The following RIT2 variants were observed in gnomAD, a reference collection of about 807,000 sequenced individuals.
RIT2 encodes GTP-binding protein Rit2.
Under a neutral mutation model 23.7 loss-of-function variants are expected in RIT2, and 24 were observed. The ratio of observed to expected loss-of-function variants is 1.01; its 90% CI spans 0.73 to 1.43. RIT2 has a LOEUF of 1.43. Ranked by LOEUF, RIT2 falls within the 40% of genes most tolerant of loss-of-function variation. The pLI is 0.00. For synonymous variants in RIT2, 107 were observed against 91.1 expected (o/e 1.17, Z -0.99); for missense variants, 236 against 266.9 (o/e 0.88, Z 0.81).
chr18:42,819,119 G>A (rs1321450895), intron 4 of RIT2, among the ~76,000 whole-genome samples: 1 of 151,970 alleles, frequency 6.6e-6, no homozygotes, highest in Non-Finnish European at 1.5e-5. Flanking sequence ...GAGCAAAAGC[G>A]AGATACTCTT....
At chr18:42,860,656 G>C (rs1391815507) in intron 4 of RIT2, among the ~76,000 whole-genome samples, 1 of 152,120 alleles carries the variant, frequency 6.6e-6, no homozygotes, top group East Asian at 1.9e-4. Flanking sequence ...CCTATTTTAA[G>C]AAACATAAAA....
At chr18:42,850,434 T>G (rs899898413) in intron 4 of RIT2, among the ~76,000 whole-genome samples, 3 of 152,188 alleles carry the variant, frequency 2.0e-5, no homozygotes. Flanking sequence ...ATAAATCTGG[T>G]GGCAGACCAC....
chr18:43,002,277 C>T (rs144436312), intron 2 of RIT2, among the ~76,000 whole-genome samples: 1 of 151,878 alleles, frequency 6.6e-6, no homozygotes, highest in Non-Finnish European at 1.5e-5. Context: ...AATTCTTCCA[C>T]TTTCTTCTGC....
At chr18:42,984,996 A>C (rs1371890422) in intron 2 of RIT2, among the ~76,000 whole-genome samples, 1 of 152,106 alleles carries the variant, frequency 6.6e-6, no homozygotes, top group East Asian at 1.9e-4. Context: ...GCCTCTATTC[A>C]TGAAAAATAT....
chr18:43,076,881 ATCACGAGG>A (rs1442550187), intron 1 of RIT2, among the ~76,000 whole-genome samples: 1 of 151,938 alleles, frequency 6.6e-6, no homozygotes, highest in Non-Finnish European at 1.5e-5. Context: ...AGGCGGGCGG[ATCACGAGG>A]TCAGGAGATC....
intron 4 of RIT2, among the ~76,000 whole-genome samples, chr18:42,807,114 T>C (rs1300854628): frequency 1.3e-5 from 2 of 152,244 alleles, no homozygotes; most frequent in South Asian, 2.1e-4. Flanking sequence ...TTTCAAATTA[T>C]GTATCTTTGA....
intron 1 of RIT2, among the ~76,000 whole-genome samples, chr18:43,084,083 C>T (rs1913222913): frequency 6.6e-6 from 1 of 152,098 alleles, no homozygotes; most frequent in South Asian, 2.1e-4. Context: ...AGAATATGAA[C>T]AGACATTTCT....
At chr18:43,010,872 A>G (rs998892032) in intron 2 of RIT2, among the ~76,000 whole-genome samples, 2 of 151,794 alleles carry the variant, frequency 1.3e-5, no homozygotes, top group African/African-American at 4.8e-5. Flanking sequence ...ATGGGATAAC[A>G]ATTATTCTGT....
intron 1 of RIT2, among the ~76,000 whole-genome samples, chr18:43,108,007 C>A (rs7506332): frequency 6.2e-4 from 84 of 136,252 alleles, no homozygotes; most frequent in Middle Eastern, 3.8e-3. Flanking sequence ...ACTAAAAATA[C>A]AAAAAAAAAA....
At chr18:43,009,763 G>T (rs577929842) in intron 2 of RIT2, among the ~76,000 whole-genome samples, 285 of 151,752 alleles carry the variant, frequency 1.9e-3, no homozygotes, top group Non-Finnish European at 3.3e-3. Flanking sequence ...CACTTCCCAT[G>T]TCCCCGTCTG....
chr18:43,071,082 G>A (rs1309476016), intron 1 of RIT2, among the ~76,000 whole-genome samples: 5 of 152,056 alleles, frequency 3.3e-5, no homozygotes, highest in African/African-American at 1.2e-4. Flanking sequence ...ATAATTTTCT[G>A]GGTTTCTCCA....
chr18:42,839,373 A>G (rs947402740), intron 4 of RIT2, among the ~76,000 whole-genome samples: 1 of 152,248 alleles, frequency 6.6e-6, no homozygotes, highest in African/African-American at 2.4e-5. Context: ...GAGGTATGGG[A>G]ATTTCTTGAG....
chr18:42,848,184 G>A (rs1906958774), intron 4 of RIT2, among the ~76,000 whole-genome samples: 1 of 152,072 alleles, frequency 6.6e-6, no homozygotes, highest in Non-Finnish European at 1.5e-5. Context: ...GAACAATGCT[G>A]AAAGGCAATT....
chr18:42,850,158 G>C (rs1271932285), intron 4 of RIT2, among the ~76,000 whole-genome samples: 1 of 150,920 alleles, frequency 6.6e-6, no homozygotes, highest in Non-Finnish European at 1.5e-5. Context: ...ATCCATTCTG[G>C]GGCCACACAG....
At chr18:42,847,887 C>G (rs1906951691) in intron 4 of RIT2, among the ~76,000 whole-genome samples, 1 of 150,862 alleles carries the variant, frequency 6.6e-6, no homozygotes, top group Non-Finnish European at 1.5e-5. Flanking sequence ...TTAGCAGGAT[C>G]AAGGTAAAAT....
intron 4 of RIT2, among the ~76,000 whole-genome samples, chr18:42,745,062 C>T (rs1307858000): frequency 6.6e-6 from 1 of 152,064 alleles, no homozygotes; most frequent in Non-Finnish European, 1.5e-5. Context: ...CAAAATTACC[C>T]AGGGTTGAAT....
At chr18:43,026,437 T>C (rs769365731) in intron 2 of RIT2, among the ~76,000 whole-genome samples, 3 of 151,302 alleles carry the variant, frequency 2.0e-5, no homozygotes, top group Non-Finnish European at 4.4e-5. Flanking sequence ...GCCTGTAGTC[T>C]CAGCTACTTG....
chr18:42,947,781 G>A (rs529098893), intron 3 of RIT2, among the ~76,000 whole-genome samples: 1 of 151,916 alleles, frequency 6.6e-6, no homozygotes, highest in East Asian at 1.9e-4. Flanking sequence ...AAGCAAATGG[G>A]TATTGATATA....
Position 42,885,260 on chromosome 18 carries a change from A to G in RIT2, c.426+38312T>C, listed in dbSNP as rs1907991291. 2.0e-5 allele frequency among the ~76,000 whole-genome samples: 3 copies of G among 152,318 alleles called. No individual in the cohort carries two copies. In the South Asian group the frequency reaches 6.2e-4, roughly 32 times the overall value. Reference sequence around the variant, plus strand: ...TCACTTATACCCCAATAAAAACATTAATTACTAATAGAAATATTCTCTAGT... The same window carrying G: ...TCACTTATACCCCAATAAAAACATTGATTACTAATAGAAATATTCTCTAGT... On this transcript the variant is annotated intron_variant, in intron 4 of 4. Coordinates refer to ENST00000326695, the MANE Select transcript of RIT2 (RefSeq NM_002930.4).
Sources: gnomAD v4.1 joint callset for allele counts (sites outside exome capture counted in the v4.1 genomes callset) on GRCh38, gnomAD v4.1.1 for gene constraint, MANE v1.5 for transcripts, NCBI Gene and HGNC (gene_info 2026-07-23, HGNC 2026-07-21) for gene names.